Variants in HS3ST3A1 observed in about 807,000 individuals in gnomAD.
HS3ST3A1 encodes heparan sulfate glucosamine 3-O-sulfotransferase 3A1.
HS3ST3A1 carries 19 observed loss-of-function variants against 25.7 expected under a neutral mutation model. The ratio of observed to expected loss-of-function variants is 0.74; its 90% confidence interval spans 0.52 to 1.08. The LOEUF (loss-of-function observed/expected upper bound fraction) is 1.08, where lower values mean the gene tolerates loss of function less well. HS3ST3A1 is among the 50% of genes least tolerant of loss of function. The probability of loss-of-function intolerance (pLI) is 0.00; values close to 1 mark genes in which losing one functional copy is unlikely to be tolerated. For synonymous variants in HS3ST3A1, 226 were observed against 278.6 expected, an observed-to-expected ratio of 0.81 and a Z score of 1.88; for missense variants, 459 against 594.3, an observed-to-expected ratio of 0.77 and a Z score of 2.37.
chr17:13,498,981 T>C (rs1905371615), intron 1 of HS3ST3A1, among the ~76,000 whole-genome samples: 1 of 151,934 alleles, frequency 6.6e-6, no homozygotes, highest in Non-Finnish European at 1.5e-5. Context: ...ATTTTTGTCA[T>C]TTCAGTCAGT....
At chr17:13,549,672 A>T (rs1907189189) in intron 1 of HS3ST3A1, among the ~76,000 whole-genome samples, 1 of 152,144 alleles carries the variant, frequency 6.6e-6, no homozygotes, top group South Asian at 2.1e-4. Context: ...GGACTATTGG[A>T]CATCACCTAG....
chr17:13,546,548 G>A (rs370154699), intron 1 of HS3ST3A1, among the ~76,000 whole-genome samples: 1 of 152,222 alleles, frequency 6.6e-6, no homozygotes, highest in African/African-American at 2.4e-5. Flanking sequence ...TTACAGGCGT[G>A]AGCCACTGCG....
At chr17:13,571,419 A>G (rs1907806881) in intron 1 of HS3ST3A1, among the ~76,000 whole-genome samples, 1 of 152,208 alleles carries the variant, frequency 6.6e-6, no homozygotes, top group African/African-American at 2.4e-5. Context: ...TTATTTTAGC[A>G]AGTGCTCTAC....
At chr17:13,548,692 ATCAGCAC>A (rs1907156513) in intron 1 of HS3ST3A1, among the ~76,000 whole-genome samples, 1 of 152,158 alleles carries the variant, frequency 6.6e-6, no homozygotes, top group Admixed American at 6.6e-5. Context: ...AAACACACCA[ATCAGCAC>A]TCTGTCTAGC....
rs569612654 is a variant in HS3ST3A1, at chr17:13,573,408, C to T, written c.599+27123G>A. Among the ~76,000 whole-genome samples the T allele has an allele frequency of 3.3e-5, 5 of 152,320 alleles. No homozygotes were observed. The South Asian group carries it at 1.0e-3, about 32-fold the overall frequency. Reference sequence around the variant, plus strand: ...CCACCTAGAACTCGAAGCTCCCCACCTGACCTCTCTGTCTATCCACAACCA... The same window carrying T: ...CCACCTAGAACTCGAAGCTCCCCACTTGACCTCTCTGTCTATCCACAACCA... On this transcript the variant is annotated intron_variant, in intron 1 of 1. Coordinates refer to ENST00000284110, the MANE Select transcript of HS3ST3A1 (RefSeq NM_006042.3).
At chr17:13,506,665 T>C (rs1051199110) in intron 1 of HS3ST3A1, among the ~76,000 whole-genome samples, 1 of 152,190 alleles carries the variant, frequency 6.6e-6, no homozygotes, top group Non-Finnish European at 1.5e-5. Context: ...AGGAAATCTA[T>C]GAGCAGAGAG....
intron 1 of HS3ST3A1, among the ~76,000 whole-genome samples, chr17:13,560,130 A>C (rs1363292405): frequency 6.6e-6 from 1 of 151,210 alleles, no homozygotes; most frequent in Non-Finnish European, 1.5e-5. Flanking sequence ...TCTCTACTAA[A>C]AATACAAAAA....
At chr17:13,558,786 T>C (rs1412401137) in intron 1 of HS3ST3A1, among the ~76,000 whole-genome samples, 1 of 152,154 alleles carries the variant, frequency 6.6e-6, no homozygotes, top group East Asian at 1.9e-4. Context: ...AGTTGCATCA[T>C]CAAATAAGCT....
Position 13,579,960 on chromosome 17 carries a change from A to G in HS3ST3A1, c.599+20571T>C, listed in dbSNP as rs184680141. Among the ~76,000 whole-genome samples the G allele has an allele frequency of 2.0e-3, 290 of 147,186 alleles. 10 individuals carry two copies. In the East Asian group the frequency reaches 0.045, roughly 23 times the overall value. On this transcript the variant is annotated intron_variant, in intron 1 of 1. Coordinates refer to ENST00000284110, the MANE Select transcript of HS3ST3A1 (RefSeq NM_006042.3). ...ACTCTGTCTAAAAAAAAAAAAAAAAAAAAAAAGAAAAAAGAAATTATACAT... is the reference window on the plus strand; with the variant it reads ...ACTCTGTCTAAAAAAAAAAAAAAAAGAAAAAAGAAAAAAGAAATTATACAT...
intron 1 of HS3ST3A1, among the ~76,000 whole-genome samples, chr17:13,534,547 C>CAAAAAACA: frequency 3.0e-5 from 1 of 32,816 alleles, no homozygotes; most frequent in Non-Finnish European, 5.9e-5. Context: ...CTACAAAATC[C>CAAAAAACA]AAAAAAAAAA....
chr17:13,526,193 G>C (rs530000332), intron 1 of HS3ST3A1, among the ~76,000 whole-genome samples: 2 of 152,090 alleles, frequency 1.3e-5, no homozygotes, highest in East Asian at 3.9e-4. Context: ...GGGGTTTGCA[G>C]ATGGTCCCTT....
At chr17:13,551,680 A>G (rs1256709999) in intron 1 of HS3ST3A1, among the ~76,000 whole-genome samples, 1 of 151,516 alleles carries the variant, frequency 6.6e-6, no homozygotes, top group Non-Finnish European at 1.5e-5. Flanking sequence ...TTACTTCTTC[A>G]TGCTTGTCCT....
chr17:13,521,454 A>G (rs1906236700), intron 1 of HS3ST3A1, among the ~76,000 whole-genome samples: 1 of 152,178 alleles, frequency 6.6e-6, no homozygotes, highest in Non-Finnish European at 1.5e-5. Context: ...GTTGAGTTTC[A>G]ATGCCCCACT....
At chr17:13,543,126 G>A (rs1252726683) in intron 1 of HS3ST3A1, among the ~76,000 whole-genome samples, 1 of 152,166 alleles carries the variant, frequency 6.6e-6, no homozygotes, top group East Asian at 1.9e-4. Flanking sequence ...GTCAACATAA[G>A]TGTTTCCCCG....
intron 1 of HS3ST3A1, among the ~76,000 whole-genome samples, chr17:13,522,271 C>T (rs1906272871): frequency 6.6e-6 from 1 of 151,212 alleles, no homozygotes; most frequent in South Asian, 2.1e-4. Flanking sequence ...AGTATCTTGA[C>T]CCTCAGAAAG....
intron 1 of HS3ST3A1, among the ~76,000 whole-genome samples, chr17:13,527,301 CA>C (rs1255540522): frequency 6.6e-6 from 1 of 152,124 alleles, no homozygotes; most frequent in Non-Finnish European, 1.5e-5. Flanking sequence ...AGAGGGAGGG[CA>C]TGGAGCATTA....
chr17:13,513,809 G>A (rs1905959263), intron 1 of HS3ST3A1, among the ~76,000 whole-genome samples: 1 of 152,068 alleles, frequency 6.6e-6, no homozygotes, highest in Admixed American at 6.5e-5. Context: ...TTGTTTCCTC[G>A]AAGTAGAAAT....
At position 13,542,285 on chromosome 17, in the gene HS3ST3A1, C is replaced by T. The variant is rs536912861; in HGVS notation, c.600-45467G>A. Among the ~76,000 whole-genome samples the T allele has an allele frequency of 6.7e-5, 10 of 148,852 alleles. No individual in the cohort carries two copies. In the South Asian group the frequency reaches 1.5e-3, roughly 22 times the overall value. On this transcript the variant is annotated intron_variant, in intron 1 of 1. Transcript: ENST00000284110. Reference sequence around the variant, plus strand: ...TGGAGGTTGCAGTGAGCAGAGATTGCGCCACTGCCCTCCAGCCTGGGCAAC... The same window carrying T: ...TGGAGGTTGCAGTGAGCAGAGATTGTGCCACTGCCCTCCAGCCTGGGCAAC...
At chr17:13,596,936 G>A (rs189697462) in intron 1 of HS3ST3A1, among the ~76,000 whole-genome samples, 2 of 152,140 alleles carry the variant, frequency 1.3e-5, no homozygotes, top group East Asian at 2.0e-4. Context: ...GGCCATGATC[G>A]TTCGAGGCCA....
Sources: gnomAD v4.1 joint callset for allele counts (sites outside exome capture counted in the v4.1 genomes callset) on GRCh38, gnomAD v4.1.1 for gene constraint, MANE v1.5 for transcripts, NCBI Gene and HGNC (gene_info 2026-07-23, HGNC 2026-07-21) for gene names.